Variants in MTREX observed in about 807,000 individuals in gnomAD.
MTREX encodes Mtr4 exosome RNA helicase.
In MTREX, 76 loss-of-function variants were observed where a neutral mutation model predicts 135.4. The observed-to-expected ratio is 0.56, with a 90% CI of 0.47 to 0.68. The LOEUF is 0.68. Among genes scored for constraint, MTREX ranks in the 30% least tolerant of loss-of-function variants. The pLI is 0.00. For synonymous variants in MTREX, 404 were observed against 401.6 expected, an observed-to-expected ratio of 1.01 and a Z score of -0.07; for missense variants, 920 against 1,262.1, an observed-to-expected ratio of 0.73 and a Z score of 4.11.
chr5:55,419,322 G>A (rs1751019727), intron 25 of MTREX, among the ~76,000 whole-genome samples: 1 of 152,114 alleles, frequency 6.6e-6, no homozygotes, highest in South Asian at 2.1e-4. Flanking sequence ...AAAAGTGTCT[G>A]GTCATTTCAT....
chr5:55,343,468 C>T lies in MTREX; in HGVS notation c.906+13C>T. ...TTTACATAAACAGGTATTTTTTCCT[C>T]CTTTTTTGATGTCTTCAATATTCAA... On this transcript the variant is annotated intron_variant, in intron 8 of 26. Coordinates refer to ENST00000230640, the MANE Select transcript of MTREX (RefSeq NM_015360.5). 2 of 1,608,794 alleles carry T rather than the reference C, an allele frequency of 1.2e-6. No individual in the cohort carries two copies. The highest frequency in any genetic ancestry group is 1.7e-6 in the Non-Finnish European group (2 of 1,177,420).
chr5:55,308,427 C>T (rs796474058), intron 1 of MTREX, among the ~76,000 whole-genome samples: 2 of 152,018 alleles, frequency 1.3e-5, no homozygotes, highest in East Asian at 1.9e-4. Context: ...TCTCCTGCAT[C>T]AGCACAACAC....
chr5:55,394,006 C>T (rs1014231600), intron 19 of MTREX, among the ~76,000 whole-genome samples: 24 of 152,076 alleles, frequency 1.6e-4, no homozygotes, highest in African/African-American at 5.3e-4. Flanking sequence ...GTTAGTTGAC[C>T]ATTTCTTGGA....
At chr5:55,318,269 G>T (rs983964583) in intron 1 of MTREX, among the ~76,000 whole-genome samples, 1 of 152,152 alleles carries the variant, frequency 6.6e-6, no homozygotes, top group African/African-American at 2.4e-5. Flanking sequence ...CCATTACTGG[G>T]TATATACCCA....
intron 4 of MTREX, 50 bp from the exon 5 acceptor site, chr5:55,328,649 C>A: frequency 7.9e-7 from 1 of 1,272,626 alleles, no homozygotes; most frequent in Non-Finnish European, 1.1e-6. Context: ...TAAGTATGCT[C>A]TGATACAACT....
chr5:55,375,084 C>A (rs979042230), intron 16 of MTREX, among the ~76,000 whole-genome samples: 1 of 152,140 alleles, frequency 6.6e-6, no homozygotes, highest in Non-Finnish European at 1.5e-5. Flanking sequence ...ACATCAAGTA[C>A]TTTACAAGGT....
intron 23 of MTREX, among the ~76,000 whole-genome samples, chr5:55,412,662 A>T (rs230769): frequency 0.86 from 130,764 of 152,110 alleles, 56,602 homozygotes; most frequent in South Asian, 0.92. Context: ...CCTATAGGAG[A>T]GATGAGGGAA....
chr5:55,418,816 A>AC (rs1369530024), intron 25 of MTREX, among the ~76,000 whole-genome samples: 2 of 151,648 alleles, frequency 1.3e-5, no homozygotes. Context: ...AAGAATAGCC[A>AC]TTCCTTCCTC....
chr5:55,334,202 TAC>T (rs1305090941), intron 5 of MTREX, among the ~76,000 whole-genome samples: 2 of 152,020 alleles, frequency 1.3e-5, no homozygotes, highest in African/African-American at 2.4e-5. Context: ...GCTTAGTGAG[TAC>T]AGAGTTTTTT....
At chr5:55,342,071 A>G (rs973436976) in intron 7 of MTREX, among the ~76,000 whole-genome samples, 3 of 152,032 alleles carry the variant, frequency 2.0e-5, no homozygotes, top group African/African-American at 7.2e-5. Flanking sequence ...ATGTCTGGCT[A>G]ATTTTTATTT....
chr5:55,347,355 G>A (rs932293822), intron 11 of MTREX, among the ~76,000 whole-genome samples: 1 of 152,024 alleles, frequency 6.6e-6, no homozygotes. Context: ...TGAGTACATT[G>A]TTCTATTTAA....
chr5:55,315,419 A>G (rs1280743571), intron 1 of MTREX, among the ~76,000 whole-genome samples: 1 of 152,132 alleles, frequency 6.6e-6, no homozygotes, highest in South Asian at 2.1e-4. Context: ...TATTTGTTAC[A>G]TGTGCATCTG....
intron 3 of MTREX, chr5:55,324,515 T>C (rs1246830596): frequency 7.2e-6 from 1 of 139,266 alleles, no homozygotes; most frequent in African/African-American, 2.9e-5. Flanking sequence ...TGGCGCAATC[T>C]CGGCTTACTG....
chr5:55,340,878 A>G (rs1224712890), intron 6 of MTREX, among the ~76,000 whole-genome samples: 1 of 152,154 alleles, frequency 6.6e-6, no homozygotes, highest in Admixed American at 6.5e-5. Context: ...AACCGCACCC[A>G]GCCAAGTAAC....
At chr5:55,340,824 GC>G (rs1283204469) in intron 6 of MTREX, among the ~76,000 whole-genome samples, 2 of 151,982 alleles carry the variant, frequency 1.3e-5, no homozygotes, top group African/African-American at 4.8e-5. Context: ...CTCATGATCT[GC>G]CTGCCTCAGC....
chr5:55,329,713 T>TG (rs1421956172), intron 5 of MTREX, among the ~76,000 whole-genome samples: 5 of 152,224 alleles, frequency 3.3e-5, no homozygotes, highest in African/African-American at 9.6e-5. Context: ...CCTTTTGACT[T>TG]GCATAGTTTA....
At chr5:55,315,114 A>T (rs753267944) in intron 1 of MTREX, among the ~76,000 whole-genome samples, 1 of 152,198 alleles carries the variant, frequency 6.6e-6, no homozygotes, top group Non-Finnish European at 1.5e-5. Context: ...GTGTGAGAGT[A>T]CTTTATGGCC....
chr5:55,363,033 G>A (rs373300721), intron 15 of MTREX, among the ~76,000 whole-genome samples: 3 of 151,842 alleles, frequency 2.0e-5, no homozygotes, highest in East Asian at 3.9e-4. Context: ...TTTCAATAGT[G>A]TGATACTTCT....
At chr5:55,310,405 C>T (rs982872685) in intron 1 of MTREX, among the ~76,000 whole-genome samples, 8 of 152,138 alleles carry the variant, frequency 5.3e-5, no homozygotes, top group Admixed American at 4.6e-4. Flanking sequence ...GTCAAGAGTT[C>T]GAGACCAGCT....
Sources: gnomAD v4.1 joint callset for allele counts (sites outside exome capture counted in the v4.1 genomes callset) on GRCh38, gnomAD v4.1.1 for gene constraint, MANE v1.5 for transcripts, NCBI Gene and HGNC (gene_info 2026-07-23, HGNC 2026-07-21) for gene names.